SBF2: variants seen among roughly 807,000 people sequenced by gnomAD.
The protein encoded by SBF2 is SET binding factor 2.
In SBF2, 112 loss-of-function variants were observed where a neutral mutation model predicts 225.2. That is an observed-to-expected ratio of 0.50 (90% CI 0.43 to 0.58). The LOEUF (loss-of-function observed/expected upper bound fraction) is 0.58. SBF2 is among the 20% of genes least tolerant of loss of function. The pLI is 0.00. For synonymous variants in SBF2, 763 were observed against 773.3 expected (o/e 0.99, Z 0.22); for missense variants, 1,996 against 2,206.2 (o/e 0.90, Z 1.91).
intron 1 of SBF2, among the ~76,000 whole-genome samples, chr11:10,265,505 G>A (rs1961897297): frequency 1.4e-5 from 1 of 70,348 alleles, no homozygotes; most frequent in Non-Finnish European, 2.7e-5. Context: ...GGGGGGGGGA[G>A]AGGTGGGGGG....
intron 9 of SBF2, among the ~76,000 whole-genome samples, chr11:9,995,367 T>C (rs1216095093): frequency 1.3e-5 from 2 of 152,158 alleles, no homozygotes; most frequent in East Asian, 1.9e-4. Context: ...TTTGATGCTA[T>C]GCTGAGAATA....
At chr11:9,966,745 C>G (rs970720406) in intron 14 of SBF2, among the ~76,000 whole-genome samples, 2 of 152,076 alleles carry the variant, frequency 1.3e-5, no homozygotes, top group Non-Finnish European at 2.9e-5. Flanking sequence ...GGCAAAGAGA[C>G]AGTGAAATGA....
chr11:10,031,508 C>T (rs1266350899), intron 3 of SBF2, among the ~76,000 whole-genome samples: 1 of 152,108 alleles, frequency 6.6e-6, no homozygotes, highest in Non-Finnish European at 1.5e-5. Flanking sequence ...AAAAATTATA[C>T]TCACTTAGAT....
intron 6 of SBF2, among the ~76,000 whole-genome samples, chr11:10,004,574 T>TAAAAAAAAAAAA (rs763688115): frequency 7.0e-5 from 6 of 85,518 alleles, no homozygotes; most frequent in South Asian, 4.1e-4. Flanking sequence ...CTACAAAAAT[T>TAAAAAAAAAAAA]AAAAAAAAAA....
At chr11:10,054,023 A>G (rs1207144293) in intron 2 of SBF2, among the ~76,000 whole-genome samples, 1 of 152,164 alleles carries the variant, frequency 6.6e-6, no homozygotes, top group Non-Finnish European at 1.5e-5. Context: ...TTGTTTTTAC[A>G]GAATAATGCA....
At chr11:10,263,192 AT>A (rs771807819) in intron 1 of SBF2, among the ~76,000 whole-genome samples, 129 of 152,152 alleles carry the variant, frequency 8.5e-4, no homozygotes, top group African/African-American at 2.3e-3. Context: ...AATAAAAAAA[AT>A]CAGCACAATA....
chr11:9,964,624 G>C (rs144995641), intron 14 of SBF2, among the ~76,000 whole-genome samples: 4 of 152,312 alleles, frequency 2.6e-5, no homozygotes, highest in Admixed American at 1.3e-4. Context: ...AAACGATCAT[G>C]ATCAATGAAC....
chr11:9,982,634 G>A (rs1049267742), intron 13 of SBF2, among the ~76,000 whole-genome samples: 1 of 152,210 alleles, frequency 6.6e-6, no homozygotes, highest in African/African-American at 2.4e-5. Flanking sequence ...GTGGAGGCTT[G>A]CATTGTGAGT....
chr11:10,191,048 C>T (rs1279435739), intron 2 of SBF2, among the ~76,000 whole-genome samples: 1 of 152,078 alleles, frequency 6.6e-6, no homozygotes, highest in Admixed American at 6.5e-5. Flanking sequence ...AATATACTAC[C>T]ACCATTATGT....
chr11:9,807,730 CTCT>C, intron 32 of SBF2: 1 of 498,718 alleles, frequency 2.0e-6, no homozygotes, highest in Non-Finnish European at 3.6e-6. Flanking sequence ...AAGTTTGCTT[CTCT>C]TCTTTGAAGA....
intron 1 of SBF2, among the ~76,000 whole-genome samples, chr11:10,256,694 G>T (rs1017612882): frequency 6.6e-6 from 1 of 152,132 alleles, no homozygotes; most frequent in Non-Finnish European, 1.5e-5. Context: ...CCAGGGTATA[G>T]TCTCATACTG....
intron 16 of SBF2, among the ~76,000 whole-genome samples, chr11:9,956,255 G>C (rs963914270): frequency 1.3e-5 from 2 of 152,000 alleles, no homozygotes; most frequent in Non-Finnish European, 2.9e-5. Flanking sequence ...GATGTATGTG[G>C]GCAAGAGCTC....
chr11:9,871,801 T>C (rs1258526126), intron 17 of SBF2, among the ~76,000 whole-genome samples: 2 of 151,960 alleles, frequency 1.3e-5, no homozygotes, highest in East Asian at 3.9e-4. Context: ...AGGATGATAA[T>C]TATTAAAGTA....
At chr11:9,960,085 C>A in intron 16 of SBF2, 1 of 191,834 alleles carries the variant, frequency 5.2e-6, no homozygotes, top group Non-Finnish European at 1.1e-5. Flanking sequence ...CAGCCTAACT[C>A]CTGGGCTCAT....
intron 2 of SBF2, among the ~76,000 whole-genome samples, chr11:10,073,481 G>T (rs1354076669): frequency 6.6e-6 from 1 of 152,160 alleles, no homozygotes. Context: ...GGAAGGGCCA[G>T]GCGGGCAGAT....
intron 17 of SBF2, among the ~76,000 whole-genome samples, chr11:9,893,852 TAG>T (rs1861032144): frequency 6.6e-6 from 1 of 152,230 alleles, no homozygotes; most frequent in African/African-American, 2.4e-5. Flanking sequence ...GCCTGAGCCC[TAG>T]AGGTAGTAGT....
intron 16 of SBF2, among the ~76,000 whole-genome samples, chr11:9,897,880 C>A (rs1459798759): frequency 6.6e-6 from 1 of 152,134 alleles, no homozygotes; most frequent in Non-Finnish European, 1.5e-5. Context: ...GTTTTTTCCT[C>A]TAGACACTGC....
Position 9,829,390 on chromosome 11 carries a change from A to C in SBF2, c.3759T>G (p.Thr1253=). Reference sequence around the variant, plus strand: ...GAGCAAAGGCTGGCCTGACAGTAAGAGTGCTGTTGCCTCTGAGTTTCTGAT... The same window carrying C: ...GAGCAAAGGCTGGCCTGACAGTAAGCGTGCTGTTGCCTCTGAGTTTCTGAT... ...SVHQKLRGNS[T]LTVRPAFALS... is the part of the protein sequence containing the mutation. Residue 1253 remains threonine, a synonymous_variant, in exon 28 of 40, where the codon ACT becomes ACG. Coordinates refer to ENST00000256190, the MANE Select transcript of SBF2 (RefSeq NM_030962.4). 3 of 1,614,202 alleles carry C rather than the reference A, an allele frequency of 1.9e-6. No individual in the cohort carries two copies. The highest frequency in any genetic ancestry group is 8.5e-7 in the Non-Finnish European group (1 of 1,180,016).
chr11:9,985,123 A>G (rs1327370867), intron 13 of SBF2, among the ~76,000 whole-genome samples: 1 of 152,202 alleles, frequency 6.6e-6, no homozygotes, highest in Non-Finnish European at 1.5e-5. Context: ...TTGAATGTAA[A>G]TGACCTGAAT....
Sources: gnomAD v4.1 joint callset for allele counts (sites outside exome capture counted in the v4.1 genomes callset) on GRCh38, gnomAD v4.1.1 for gene constraint, MANE v1.5 for transcripts, NCBI Gene and HGNC (gene_info 2026-07-23, HGNC 2026-07-21) for gene names.